Variants in HOXA3 observed in about 807,000 individuals in gnomAD.
HOXA3 encodes the protein homeobox A3.
A neutral mutation model predicts 30.3 loss-of-function variants in HOXA3; 8 were observed. The observed-to-expected ratio is 0.26, with a 90% CI of 0.15 to 0.48. The LOEUF (loss-of-function observed/expected upper bound fraction) is 0.48, where lower values mean the gene tolerates loss of function less well. Among genes scored for constraint, HOXA3 ranks in the 20% least tolerant of loss-of-function variants. The pLI is 0.99. For synonymous variants in HOXA3, 323 were observed against 273.1 expected (o/e 1.18, Z -1.80); for missense variants, 653 against 614.4 (o/e 1.06, Z -0.66).
At chr7:27,134,964 T>C (rs17437349) in intron 2 of HOXA3, among the ~76,000 whole-genome samples, 1 of 152,184 alleles carries the variant, frequency 6.6e-6, no homozygotes, top group African/African-American at 2.4e-5. Context: ...CCCTTGAAGG[T>C]CAATTCATAG....
intron 4 of HOXA3, among the ~76,000 whole-genome samples, chr7:27,112,342 A>G (rs1284523091): frequency 6.6e-6 from 1 of 152,246 alleles, no homozygotes; most frequent in African/African-American, 2.4e-5. Context: ...AGAAAAAAAA[A>G]GATAATGTAT....
chr7:27,122,350 GTTTTGGGGTAGGCT>G (rs1785058614), intron 4 of HOXA3, 195 bp downstream of exon 4: 2 of 152,248 alleles, frequency 1.3e-5, no homozygotes. Flanking sequence ...CCCATCGCTG[GTTTTGGGGTAGGCT>G]CTTTGTCTGC....
At chr7:27,111,459 G>A (rs1323612685) in intron 4 of HOXA3, among the ~76,000 whole-genome samples, 2 of 148,986 alleles carry the variant, frequency 1.3e-5, no homozygotes, top group Non-Finnish European at 3.0e-5. Context: ...CAAGGGGGGA[G>A]GGAAAACTTT....
In HOXA3 at chr7:27,127,086, G is replaced by A. The variant is rs1785314540; in HGVS notation, c.-389-16C>T. Reference sequence around the variant, plus strand: ...TTCAGAATTGCTGTTGAATTACAAAGAAGTATTTATTGTTTGAGGTGATTA... The same window carrying A: ...TTCAGAATTGCTGTTGAATTACAAAAAAGTATTTATTGTTTGAGGTGATTA... On this transcript the variant is annotated splice_polypyrimidine_tract_variant and intron_variant, in intron 2 of 5. Transcript: ENST00000612286. 1 of 152,076 alleles carries A rather than the reference G, an allele frequency of 6.6e-6. No homozygotes were observed. Among genetic ancestry groups the A allele is most frequent in the Non-Finnish European group, 1.5e-5 (1 of 68,030 alleles). The allele number at this position is 152,076 out of a possible 1,614,324, so 9.4% of individuals were successfully genotyped here.
At chr7:27,146,682 G>A (rs1486046613) in intron 1 of HOXA3, among the ~76,000 whole-genome samples, 1 of 152,150 alleles carries the variant, frequency 6.6e-6, no homozygotes, top group Non-Finnish European at 1.5e-5. Flanking sequence ...AAGGGTGGTG[G>A]GGGGTCCCTC....
At chr7:27,138,304 G>A (rs1785775140) in intron 2 of HOXA3, among the ~76,000 whole-genome samples, 1 of 152,174 alleles carries the variant, frequency 6.6e-6, no homozygotes, top group Non-Finnish European at 1.5e-5. Context: ...AAACTTTCTA[G>A]GTTTTGCTTT....
intron 1 of HOXA3, chr7:27,147,097 A>G (rs1361283554): frequency 6.7e-6 from 4 of 600,110 alleles, no homozygotes; most frequent in African/African-American, 1.9e-5. Flanking sequence ...GTCAGCTTAC[A>G]TGGACACTGG....
intron 4 of HOXA3, among the ~76,000 whole-genome samples, chr7:27,120,527 C>T (rs549034309): frequency 2.4e-4 from 29 of 121,614 alleles, no homozygotes; most frequent in African/African-American, 5.3e-4. Context: ...GGACAGAGCG[C>T]GACTCTGTCA....
At chr7:27,111,621 G>A (rs1784384750) in intron 4 of HOXA3, among the ~76,000 whole-genome samples, 1 of 151,960 alleles carries the variant, frequency 6.6e-6, no homozygotes, top group African/African-American at 2.4e-5. Flanking sequence ...TTCCCAGCAA[G>A]CCACCCCCAC....
At chr7:27,114,833 TA>T (rs1784599324) in intron 4 of HOXA3, among the ~76,000 whole-genome samples, 1 of 92,446 alleles carries the variant, frequency 1.1e-5, no homozygotes, top group African/African-American at 3.9e-5. Context: ...ATATAATATA[TA>T]TTATATATAT....
chr7:27,125,861 G>T (rs1441153648), intron 3 of HOXA3, among the ~76,000 whole-genome samples: 1 of 152,238 alleles, frequency 6.6e-6, no homozygotes, highest in Non-Finnish European at 1.5e-5. Context: ...GGAGAGCAGA[G>T]TTTGGAAGCT....
At position 27,140,066 on chromosome 7, in the gene HOXA3, T is replaced by C. The variant is rs559165588; in HGVS notation, c.-390+17A>G. ...AAAGTACAAATAAACTTGAAAGCGC[T>C]CAGGAGGCGAGCTTACCTTAACTCG... On this transcript the variant is annotated intron_variant, in intron 2 of 5. Coordinates refer to ENST00000612286, the MANE Select transcript of HOXA3 (RefSeq NM_153631.3). 6.8e-6 allele frequency: 1 copy of C among 147,306 alleles called. No homozygotes were observed. The highest frequency in any genetic ancestry group is 2.1e-4 in the South Asian group (1 of 4,702). The allele number at this position is 147,306 out of a possible 1,614,324, so 9.1% of individuals were successfully genotyped here.
At chr7:27,121,213 C>CCG (rs1784989115) in intron 4 of HOXA3, 1 of 119,376 alleles carries the variant, frequency 8.4e-6, no homozygotes, top group African/African-American at 2.8e-5. Context: ...TCTTAGCCCA[C>CCG]TGTGTGCGTG....
chr7:27,110,314 A>C lies in HOXA3; in HGVS notation c.327T>G (p.Pro109=). 7.7e-7 allele frequency: 1 copy of C among 1,292,910 alleles called. No homozygotes were observed. The highest frequency in any genetic ancestry group is 1.0e-6 in the Non-Finnish European group (1 of 1,003,568). 80.1% of individuals were successfully genotyped at this position (1,292,910 alleles called of 1,614,324 possible). A position where few individuals can be genotyped will look rare whatever the true frequency, so the allele number is the denominator to read the frequency against. Residue 109 remains proline, a synonymous_variant, in exon 5 of 6, where the codon CCT becomes CCG. Coordinates refer to ENST00000612286, the MANE Select transcript of HOXA3 (RefSeq NM_153631.3). Reference sequence around the variant, plus strand: ...CGGCAGGGGTAGGTGCAGGGGGCTGAGGTGCGGGCTGAGGCGGCTGTGGGG... The same window carrying C: ...CGGCAGGGGTAGGTGCAGGGGGCTGCGGTGCGGGCTGAGGCGGCTGTGGGG... ...PPAPQPPQPA[P]QPPAPTPAAP... is the part of the protein sequence containing the mutation.
intron 4 of HOXA3, chr7:27,119,413 C>G (rs1396905543): frequency 6.6e-6 from 1 of 152,194 alleles, no homozygotes; most frequent in Non-Finnish European, 1.5e-5. Flanking sequence ...CAACTGTGCT[C>G]AGGAAGAACC....
intron 2 of HOXA3, chr7:27,130,836 T>A: frequency 1.8e-6 from 2 of 1,104,002 alleles, no homozygotes; most frequent in Non-Finnish European, 2.6e-6. Context: ...CCCCCTTTCC[T>A]CTGCGCCCTT....
chr7:27,140,645 T>C (rs935883168), intron 1 of HOXA3: 1 of 152,168 alleles, frequency 6.6e-6, no homozygotes, highest in Non-Finnish European at 1.5e-5. Flanking sequence ...GGCAGAGGGT[T>C]TGGGGTCCAC....
At chr7:27,141,618 G>T in intron 1 of HOXA3, 1 of 449,386 alleles carries the variant, frequency 2.2e-6, no homozygotes, top group Non-Finnish European at 3.8e-6. Context: ...TTTTTTTCAA[G>T]ACAAAGCCAT....
intron 1 of HOXA3, among the ~76,000 whole-genome samples, chr7:27,147,977 C>A (rs1019593755): frequency 2.6e-5 from 4 of 152,196 alleles, no homozygotes; most frequent in African/African-American, 4.8e-5. Flanking sequence ...CCAGCCCGCC[C>A]GCCCGCCGCC....
Sources: gnomAD v4.1 joint callset for allele counts (sites outside exome capture counted in the v4.1 genomes callset) on GRCh38, gnomAD v4.1.1 for gene constraint, MANE v1.5 for transcripts, NCBI Gene and HGNC (gene_info 2026-07-23, HGNC 2026-07-21) for gene names.